TCF12: variants seen among roughly 807,000 people sequenced by gnomAD.
TCF12 encodes the protein transcription factor 12, also known as DNA-binding protein HTF4.
Under a neutral mutation model 86.0 loss-of-function variants are expected in TCF12, and 45 were observed. The observed-to-expected ratio is 0.52, with a 90% CI of 0.41 to 0.67. The LOEUF is 0.67. Ranked by LOEUF, TCF12 falls within the 30% of genes least tolerant of loss-of-function variation. The pLI is 0.00. For synonymous variants in TCF12, 330 were observed against 299.6 expected (o/e 1.10, Z -1.05); for missense variants, 881 against 859.9 (o/e 1.02, Z -0.31).
intron 3 of TCF12, among the ~76,000 whole-genome samples, chr15:57,010,412 C>G (rs1466440950): frequency 6.6e-6 from 1 of 151,898 alleles, no homozygotes; most frequent in Non-Finnish European, 1.5e-5. Flanking sequence ...TGCAGCCTAT[C>G]TTTAAGTTAA....
At chr15:56,933,253 C>A (rs1190775456) in intron 3 of TCF12, among the ~76,000 whole-genome samples, 1 of 152,088 alleles carries the variant, frequency 6.6e-6, no homozygotes, top group African/African-American at 2.4e-5. Context: ...ACAGAAGATA[C>A]TTTAATAGAA....
intron 8 of TCF12, among the ~76,000 whole-genome samples, chr15:57,220,295 A>G (rs1214569336): frequency 6.6e-6 from 1 of 152,228 alleles, no homozygotes; most frequent in Non-Finnish European, 1.5e-5. Context: ...AGATGGAAGG[A>G]AAAGATGAAA....
Position 57,192,140 on chromosome 15 carries a change from C to T in TCF12, c.391-18C>T. 1 of 1,611,406 alleles carries T rather than the reference C, an allele frequency of 6.2e-7. No homozygotes were observed. The highest frequency in any genetic ancestry group is 8.5e-7 in the Non-Finnish European group (1 of 1,179,378). On this transcript the variant is annotated intron_variant, in intron 6 of 20. Transcript: ENST00000333725. Reference sequence around the variant, plus strand: ...TATCAGCAGGAAAATAACTTGTTTCCTTGGCCTTATTTTATAGTCTAGTCT... The same window carrying T: ...TATCAGCAGGAAAATAACTTGTTTCTTTGGCCTTATTTTATAGTCTAGTCT...
rs1218391761 is a variant in TCF12, at chr15:57,282,435, CCT to C, written c.1979-9_1979-8del. 18 of 1,613,940 alleles carry C rather than the reference CCT, an allele frequency of 1.1e-5. No homozygotes were observed. Among genetic ancestry groups the C allele is most frequent in the Non-Finnish European group, 1.5e-5 (18 of 1,180,024 alleles). On this transcript the variant is annotated splice_polypyrimidine_tract_variant and splice_region_variant and intron_variant, in intron 19 of 20. Coordinates refer to ENST00000333725, the MANE Select transcript of TCF12 (RefSeq NM_207037.2). Reference sequence around the variant, plus strand: ...ACCATAGTGATAAAAATTCTTTCCCCCTGTTTTAGAGAGGAACCTTAACCCCA... The same window carrying C: ...ACCATAGTGATAAAAATTCTTTCCCCGTTTTAGAGAGGAACCTTAACCCCA...
At position 56,995,231 on chromosome 15, in the gene TCF12, C is replaced by CTTTTTTTTTTTTTTTTTTTT. The variant is rs557610511; in HGVS notation, c.149-68510_149-68491dup. On this transcript the variant is annotated intron_variant, in intron 3 of 20. Coordinates refer to ENST00000333725, the MANE Select transcript of TCF12 (RefSeq NM_207037.2). Reference sequence around the variant, plus strand: ...AAGTCAGGTAATGTGATACCTGCAGCTTTTTTTTTTTTTTTTTTTTTTTTT... The same window carrying CTTTTTTTTTTTTTTTTTTTT: ...AAGTCAGGTAATGTGATACCTGCAGCTTTTTTTTTTTTTTTTTTTTTTTTTTTTTTTTTTTTTTTTTTTTT... Among the ~76,000 whole-genome samples the CTTTTTTTTTTTTTTTTTTTT allele has an allele frequency of 8.9e-4, 27 of 30,304 alleles. 9 individuals are homozygous for CTTTTTTTTTTTTTTTTTTTT. Among genetic ancestry groups the CTTTTTTTTTTTTTTTTTTTT allele is most frequent in the Non-Finnish European group, 1.4e-3 (22 of 16,184 alleles). 19.9% of individuals were successfully genotyped at this position (30,304 alleles called of 152,430 possible).
At chr15:57,149,400 T>C (rs1415387311) in intron 5 of TCF12, among the ~76,000 whole-genome samples, 1 of 152,190 alleles carries the variant, frequency 6.6e-6, no homozygotes, top group Non-Finnish European at 1.5e-5. Flanking sequence ...ATAACTGAAA[T>C]GATGAGAAAG....
At chr15:57,127,784 G>A (rs901610947) in intron 5 of TCF12, among the ~76,000 whole-genome samples, 1 of 152,056 alleles carries the variant, frequency 6.6e-6, no homozygotes, top group East Asian at 1.9e-4. Context: ...TCACTATTAC[G>A]TCGGTTGATG....
intron 3 of TCF12, among the ~76,000 whole-genome samples, chr15:56,959,307 A>G (rs569360429): frequency 2.0e-5 from 3 of 152,328 alleles, no homozygotes; most frequent in Non-Finnish European, 2.9e-5. Context: ...CATTGTTTCC[A>G]TGGAGAGGCT....
At chr15:57,167,254 C>T (rs2054965973) in intron 6 of TCF12, among the ~76,000 whole-genome samples, 1 of 152,134 alleles carries the variant, frequency 6.6e-6, no homozygotes, top group Admixed American at 6.6e-5. Context: ...TATGCCTTCC[C>T]ATTATAAAAT....
intron 5 of TCF12, among the ~76,000 whole-genome samples, chr15:57,098,355 T>C (rs1454338907): frequency 2.0e-5 from 3 of 152,202 alleles, no homozygotes; most frequent in Non-Finnish European, 4.4e-5. Flanking sequence ...ATAGCTCTGC[T>C]GTCTTGTTCT....
chr15:57,012,414 G>T (rs140718782), intron 3 of TCF12, among the ~76,000 whole-genome samples: 1 of 152,044 alleles, frequency 6.6e-6, no homozygotes, highest in Non-Finnish European at 1.5e-5. Context: ...TCATTCTTCC[G>T]TATTGTTTCT....
At position 57,289,717 on chromosome 15, in the gene TCF12, TA is replaced by T. The variant is rs2152178881; in HGVS notation, c.*3573del. On this transcript the variant is annotated 3_prime_UTR_variant, in exon 21 of 21. Transcript: ENST00000333725. Reference sequence around the variant, plus strand: ...CAACATCTGATTAACTTCATTTTCCTATCTGAAAAATGGAGATAACATTAGA... The same window carrying T: ...CAACATCTGATTAACTTCATTTTCCTTCTGAAAAATGGAGATAACATTAGA... The T allele has an allele frequency of 6.6e-6, 1 of 152,274 alleles. No individual in the cohort carries two copies. The highest frequency in any genetic ancestry group is 2.1e-4 in the South Asian group (1 of 4,824). 9.4% of individuals were successfully genotyped at this position (152,274 alleles called of 1,614,324 possible).
At chr15:57,274,745 T>C (rs942623714) in intron 19 of TCF12, among the ~76,000 whole-genome samples, 1 of 152,188 alleles carries the variant, frequency 6.6e-6, no homozygotes, top group Non-Finnish European at 1.5e-5. Flanking sequence ...AGCCACTGCC[T>C]CCATCTCAGC....
chr15:57,053,123 T>A (rs1305176632), intron 3 of TCF12, among the ~76,000 whole-genome samples: 1 of 152,170 alleles, frequency 6.6e-6, no homozygotes, highest in African/African-American at 2.4e-5. Context: ...CATCAACACT[T>A]GTTTTCTTGT....
Position 56,984,407 on chromosome 15 carries a change from T to C in TCF12, c.148+63309T>C, listed in dbSNP as rs551161769. On this transcript the variant is annotated intron_variant, in intron 3 of 20. Transcript: ENST00000333725. ...CTCAGGTTTGGTACCTAACATGGTG[T>C]GAAATAAGACCTTAATTGCACTTTC... is the stretch of plus-strand genomic sequence containing the variant. Among the ~76,000 whole-genome samples the C allele has an allele frequency of 2.0e-5, 3 of 152,056 alleles. No individual in the cohort carries two copies. The South Asian group carries it at 6.2e-4, about 32-fold the overall frequency.
Position 57,181,251 on chromosome 15 carries a change from C to T in TCF12, c.391-10907C>T, listed in dbSNP as rs560561917. Among the ~76,000 whole-genome samples, 3 of 151,998 alleles carry T rather than the reference C, an allele frequency of 2.0e-5. No homozygotes were observed. In the East Asian group the frequency reaches 5.8e-4, roughly 30 times the overall value. ...GCCTGTTTTTCAACACTTAATTTTC[C>T]CTTTCTGTTTTTTTTATTTTTTATT... On this transcript the variant is annotated intron_variant, in intron 6 of 20. Coordinates refer to ENST00000333725, the MANE Select transcript of TCF12 (RefSeq NM_207037.2).
At chr15:57,160,160 C>T (rs1229724168) in intron 5 of TCF12, among the ~76,000 whole-genome samples, 2 of 152,132 alleles carry the variant, frequency 1.3e-5, no homozygotes, top group African/African-American at 4.8e-5. Flanking sequence ...TCTGAGGTTG[C>T]TAATGAAGAC....
chr15:56,969,863 CTG>C (rs2062200303), intron 3 of TCF12, among the ~76,000 whole-genome samples: 1 of 152,092 alleles, frequency 6.6e-6, no homozygotes, highest in Non-Finnish European at 1.5e-5. Context: ...GATCAGAAGA[CTG>C]TGTATGCAGT....
At chr15:57,074,134 A>G (rs1197096595) in intron 4 of TCF12, among the ~76,000 whole-genome samples, 1 of 152,134 alleles carries the variant, frequency 6.6e-6, no homozygotes, top group Non-Finnish European at 1.5e-5. Context: ...TAAATGAGCC[A>G]TAGGATGAAT....
Sources: allele counts gnomAD v4.1 joint callset (sites outside exome capture counted in the v4.1 genomes callset), GRCh38; gene constraint gnomAD v4.1.1; transcripts MANE v1.5; gene names NCBI Gene and HGNC (gene_info 2026-07-23, HGNC 2026-07-21).